The following NXPE2 variants were observed in gnomAD, a reference collection of about 807,000 sequenced individuals.
NXPE2 encodes the protein NXPE family member 2.
NXPE2 carries 34 observed loss-of-function variants against 34.4 expected under a neutral mutation model. That is an observed-to-expected ratio of 0.99 (90% confidence interval 0.75 to 1.31). The LOEUF (loss-of-function observed/expected upper bound fraction) is 1.31, where lower values mean the gene tolerates loss of function less well. NXPE2 is among the 40% of genes most tolerant of loss of function. NXPE2 has a pLI of 0.00. For synonymous variants in NXPE2, 235 were observed against 231.3 expected (o/e 1.02, Z -0.15); for missense variants, 649 against 672.5 (o/e 0.97, Z 0.39).
At chr11:114,640,384 A>C in the NXPE2 span, among the ~76,000 whole-genome samples, 3 of 150,390 alleles carry the variant, frequency 2.0e-5, no homozygotes, top group African/African-American at 7.3e-5. Context: ...TTATCCACTC[A>C]TGTGTTCGTC....
chr11:114,604,717 G>T, the NXPE2 span, among the ~76,000 whole-genome samples: 1 of 151,920 alleles, frequency 6.6e-6, no homozygotes, highest in Non-Finnish European at 1.5e-5. Flanking sequence ...ATGCCTTGTG[G>T]GTAACCACTG....
the NXPE2 span, among the ~76,000 whole-genome samples, chr11:114,508,012 G>T: frequency 6.6e-6 from 1 of 152,066 alleles, no homozygotes; most frequent in Non-Finnish European, 1.5e-5. Flanking sequence ...CAGCCCAAAA[G>T]CTTCTTAAGC....
chr11:114,570,825 A>T, the NXPE2 span: 2 of 682,126 alleles, frequency 2.9e-6, no homozygotes, highest in African/African-American at 3.6e-5. Flanking sequence ...CATAATGTAG[A>T]TTCTCTGCTC....
chr11:114,798,901 C>T, the NXPE2 span, among the ~76,000 whole-genome samples: 1 of 152,164 alleles, frequency 6.6e-6, no homozygotes, highest in East Asian at 1.9e-4. Context: ...CTGGCTGCCC[C>T]TCCCTCAAAG....
chr11:114,547,972 G>T, the NXPE2 span, among the ~76,000 whole-genome samples: 3 of 151,716 alleles, frequency 2.0e-5, no homozygotes, highest in Non-Finnish European at 4.4e-5. Flanking sequence ...CTAACCTAAA[G>T]TAAAAAGTTT....
chr11:114,630,058 G>C, the NXPE2 span, among the ~76,000 whole-genome samples: 1 of 151,550 alleles, frequency 6.6e-6, no homozygotes, highest in East Asian at 1.9e-4. Flanking sequence ...CATGCTCATG[G>C]GTAGGAAGAA....
At chr11:114,757,201 C>T in the NXPE2 span, among the ~76,000 whole-genome samples, 3 of 152,010 alleles carry the variant, frequency 2.0e-5, no homozygotes, top group African/African-American at 7.2e-5. Context: ...ACAGGAAGCA[C>T]TCAGTAGAAT....
the NXPE2 span, chr11:114,513,026 G>T: frequency 2.4e-6 from 1 of 409,056 alleles, no homozygotes; most frequent in African/African-American, 2.1e-5. Flanking sequence ...AGCAGAGACA[G>T]GGGTATCTGA....
At chr11:114,606,466 C>T in the NXPE2 span, among the ~76,000 whole-genome samples, 1 of 151,584 alleles carries the variant, frequency 6.6e-6, no homozygotes, top group Non-Finnish European at 1.5e-5. Flanking sequence ...TGTGTTGCCT[C>T]TAGGGTAACC....
the NXPE2 span, among the ~76,000 whole-genome samples, chr11:114,587,138 C>A: frequency 2.6e-5 from 4 of 152,124 alleles, no homozygotes; most frequent in Admixed American, 6.5e-5. Flanking sequence ...CTACAAGAGA[C>A]CAGGCTTTAT....
At chr11:114,711,112 C>G (rs79036011), downstream of NXPE2, among the ~76,000 whole-genome samples, 15 of 152,168 alleles carry the variant, frequency 9.9e-5, no homozygotes, top group East Asian at 2.7e-3. Flanking sequence ...AAAAGCCATA[C>G]ACGAAAAGCC....
the NXPE2 span, among the ~76,000 whole-genome samples, chr11:114,590,183 G>A: frequency 1.3e-5 from 2 of 152,160 alleles, no homozygotes; most frequent in African/African-American, 4.8e-5. Context: ...TGCAATATGT[G>A]GATGATATAC....
At chr11:114,500,814 G>A in the NXPE2 span, among the ~76,000 whole-genome samples, 3 of 152,170 alleles carry the variant, frequency 2.0e-5, no homozygotes, top group African/African-American at 7.2e-5. Flanking sequence ...AGAGGTCAGG[G>A]TTCATTATTT....
At chr11:114,615,349 G>T in the NXPE2 span, among the ~76,000 whole-genome samples, 2 of 151,996 alleles carry the variant, frequency 1.3e-5, no homozygotes, top group South Asian at 4.2e-4. Flanking sequence ...ACTAAGTTTT[G>T]CCTCGTGGAT....
the NXPE2 span, among the ~76,000 whole-genome samples, chr11:114,495,333 C>T: frequency 6.6e-6 from 1 of 151,952 alleles, no homozygotes; most frequent in South Asian, 2.1e-4. Context: ...CTGGTGGGTC[C>T]AGAGATGCCA....
the NXPE2 span, among the ~76,000 whole-genome samples, chr11:114,648,903 G>A: frequency 1.3e-5 from 2 of 151,860 alleles, no homozygotes; most frequent in Admixed American, 6.6e-5. Context: ...ACTATGATAC[G>A]AAGTCAATAC....
the NXPE2 span, among the ~76,000 whole-genome samples, chr11:114,534,624 G>C: frequency 6.6e-6 from 1 of 152,188 alleles, no homozygotes; most frequent in Non-Finnish European, 1.5e-5. Flanking sequence ...CAGCACGAGA[G>C]CTACGTGACA....
At chr11:114,473,385 G>A in the NXPE2 span, among the ~76,000 whole-genome samples, 1 of 152,160 alleles carries the variant, frequency 6.6e-6, no homozygotes, top group Non-Finnish European at 1.5e-5. Flanking sequence ...ACTACATGTA[G>A]TTTCTAAATA....
the NXPE2 span, among the ~76,000 whole-genome samples, chr11:114,492,450 G>T: frequency 6.6e-6 from 1 of 151,954 alleles, no homozygotes; most frequent in Admixed American, 6.6e-5. Context: ...TGAGAAGAAT[G>T]TGTTTTCTGT....
Sources: allele counts gnomAD v4.1 joint callset (sites outside exome capture counted in the v4.1 genomes callset), GRCh38; gene constraint gnomAD v4.1.1; transcripts MANE v1.5; gene names NCBI Gene and HGNC (gene_info 2026-07-23, HGNC 2026-07-21).